CHLSN: variants seen among roughly 807,000 people sequenced by gnomAD.
The protein encoded by CHLSN is cholesin, also known as protein cholesin.
At chr7:978,370 T>C in the CHLSN span, among the ~76,000 whole-genome samples, 5 of 151,970 alleles carry the variant, frequency 3.3e-5, no homozygotes, top group East Asian at 9.7e-4. Context: ...ATACAAAAAT[T>C]AGCCAGGTGT....
the CHLSN span, among the ~76,000 whole-genome samples, chr7:1,007,585 G>A: frequency 6.6e-6 from 1 of 152,372 alleles, no homozygotes; most frequent in East Asian, 1.9e-4. Flanking sequence ...GGAAAGAGGA[G>A]AAGCTCCTGC....
the CHLSN span, among the ~76,000 whole-genome samples, chr7:1,060,660 A>T: frequency 0.11 from 17,455 of 152,066 alleles, 1,229 homozygotes; most frequent in Middle Eastern, 0.26. Context: ...TCCTGCGGGG[A>T]GCTCAGACCC....
the CHLSN span, among the ~76,000 whole-genome samples, chr7:999,219 TG>T: frequency 6.6e-6 from 1 of 152,240 alleles, no homozygotes; most frequent in Admixed American, 6.5e-5. Flanking sequence ...ACGTAAACTT[TG>T]GTTAAAACAA....
At chr7:983,291 C>G in the CHLSN span, 10 of 1,543,702 alleles carry the variant, frequency 6.5e-6, no homozygotes, top group Non-Finnish European at 8.7e-6. Flanking sequence ...GACCCCTCCC[C>G]AGCTGCCCGG....
the CHLSN span, chr7:1,138,097 G>T: frequency 6.6e-6 from 1 of 150,410 alleles, no homozygotes; most frequent in African/African-American, 2.4e-5. Flanking sequence ...CCCACGTGGA[G>T]GGGGCGGAGC....
the CHLSN span, among the ~76,000 whole-genome samples, chr7:1,136,191 T>C: frequency 1.9e-5 from 2 of 106,898 alleles, no homozygotes; most frequent in Non-Finnish European, 3.3e-5. Flanking sequence ...TAATTATAAA[T>C]ATATACACAA....
At chr7:1,006,945 G>GC in the CHLSN span, among the ~76,000 whole-genome samples, 1 of 152,210 alleles carries the variant, frequency 6.6e-6, no homozygotes, top group African/African-American at 2.4e-5. Flanking sequence ...TGCAAGAACA[G>GC]CCCAGGGTAT....
chr7:1,050,781 C>A, the CHLSN span, among the ~76,000 whole-genome samples: 3,848 of 152,306 alleles, frequency 0.025, 60 homozygotes, highest in Non-Finnish European at 0.029. Context: ...GACACAGAGG[C>A]ACAGCTGAGG....
At chr7:1,000,639 T>C in the CHLSN span, 2 of 1,077,482 alleles carry the variant, frequency 1.9e-6, no homozygotes, top group East Asian at 2.6e-5. Flanking sequence ...ACGCCTCATC[T>C]TAGGAGAGGG....
chr7:987,606 G>C, the CHLSN span: 3 of 1,361,558 alleles, frequency 2.2e-6, no homozygotes, highest in Non-Finnish European at 2.9e-6. Flanking sequence ...GCACTGGGAC[G>C]GCTGAGCGTC....
chr7:1,006,726 C>T, the CHLSN span, among the ~76,000 whole-genome samples: 3 of 149,744 alleles, frequency 2.0e-5, no homozygotes, highest in African/African-American at 4.9e-5. Flanking sequence ...ACGGTCACAG[C>T]GCAGACAAAG....
At chr7:1,117,831 G>A in the CHLSN span, among the ~76,000 whole-genome samples, 2 of 152,100 alleles carry the variant, frequency 1.3e-5, no homozygotes, top group African/African-American at 2.4e-5. Flanking sequence ...TCACCCACAC[G>A]CCTTTTTCAT....
At chr7:984,930 C>T in the CHLSN span, 45 of 1,575,304 alleles carry the variant, frequency 2.9e-5, no homozygotes, top group Middle Eastern at 6.4e-4. Flanking sequence ...GGGCTCACCA[C>T]GCACTGTATC....
At chr7:1,075,389 A>T in the CHLSN span, among the ~76,000 whole-genome samples, 1 of 151,676 alleles carries the variant, frequency 6.6e-6, no homozygotes, top group Non-Finnish European at 1.5e-5. Flanking sequence ...CAAAAATTAC[A>T]GGCAGGCGCC....
chr7:1,131,052 T>C, the CHLSN span, among the ~76,000 whole-genome samples: 2 of 151,898 alleles, frequency 1.3e-5, no homozygotes, highest in African/African-American at 4.8e-5. Flanking sequence ...TTGGCTACGC[T>C]TGGTGGTGCA....
chr7:1,132,554 C>T, the CHLSN span, among the ~76,000 whole-genome samples: 4 of 151,922 alleles, frequency 2.6e-5, no homozygotes, highest in Non-Finnish European at 5.9e-5. Context: ...ATTAGCTGGG[C>T]ATGGTGATGC....
the CHLSN span, among the ~76,000 whole-genome samples, chr7:1,074,960 G>A: frequency 3.3e-5 from 5 of 152,350 alleles, no homozygotes; most frequent in Admixed American, 6.5e-5. Flanking sequence ...TGGCTGCCCC[G>A]TGTGGTGAGC....
the CHLSN span, among the ~76,000 whole-genome samples, chr7:1,107,696 T>G: frequency 6.6e-6 from 1 of 152,356 alleles, no homozygotes; most frequent in South Asian, 2.1e-4. Flanking sequence ...AGTTCTTCCC[T>G]GAATCCCACC....
the CHLSN span, chr7:987,014 G>A: frequency 7.1e-7 from 1 of 1,409,716 alleles, no homozygotes; most frequent in Non-Finnish European, 9.3e-7. Context: ...AGATCACCGG[G>A]GCATCCATAG....
Sources: allele counts gnomAD v4.1 joint callset (sites outside exome capture counted in the v4.1 genomes callset), GRCh38; gene constraint gnomAD v4.1.1; transcripts MANE v1.5; gene names NCBI Gene and HGNC (gene_info 2026-07-23, HGNC 2026-07-21).